Variants in GRIN2B observed in about 807,000 individuals in gnomAD.
GRIN2B encodes the protein glutamate receptor ionotropic, NMDA 2B.
Under a neutral mutation model 114.5 loss-of-function variants are expected in GRIN2B, and 5 were observed. The ratio of observed to expected loss-of-function variants is 0.04; its 90% CI spans 0.02 to 0.09. The LOEUF (loss-of-function observed/expected upper bound fraction) is 0.09, where lower values mean the gene tolerates loss of function less well. Ranked by LOEUF, GRIN2B falls within the 10% of genes least tolerant of loss-of-function variation. GRIN2B has a pLI of 1.00. For synonymous variants in GRIN2B, 787 were observed against 745.1 expected (o/e 1.06, Z -0.92); for missense variants, 1,108 against 1,943.5 (o/e 0.57, Z 8.08).
chr12:13,786,664 A>G (rs924176382), intron 3 of GRIN2B, among the ~76,000 whole-genome samples: 2 of 148,770 alleles, frequency 1.3e-5, no homozygotes, highest in Non-Finnish European at 3.0e-5. Context: ...CACAGGTATC[A>G]GGGCTGAGGG....
chr12:13,800,366 T>C (rs1025184600), intron 3 of GRIN2B, among the ~76,000 whole-genome samples: 1 of 152,198 alleles, frequency 6.6e-6, no homozygotes, highest in East Asian at 1.9e-4. Context: ...CACATTCATT[T>C]TCATCTCCCA....
At chr12:13,672,513 C>A (rs1483609767) in intron 5 of GRIN2B, among the ~76,000 whole-genome samples, 2 of 152,120 alleles carry the variant, frequency 1.3e-5, no homozygotes, top group African/African-American at 4.8e-5. Context: ...AGTGGAAGGA[C>A]CAATACAACT....
At chr12:13,728,375 GTGCT>G (rs112180814) in intron 4 of GRIN2B, among the ~76,000 whole-genome samples, 1 of 152,008 alleles carries the variant, frequency 6.6e-6, no homozygotes, top group African/African-American at 2.4e-5. Context: ...CTGTTTAGTA[GTGCT>G]TTAATATTTC....
intron 5 of GRIN2B, among the ~76,000 whole-genome samples, chr12:13,627,386 C>T (rs1288560307): frequency 6.6e-6 from 1 of 152,046 alleles, no homozygotes; most frequent in Non-Finnish European, 1.5e-5. Flanking sequence ...TCATAAATGG[C>T]AATATAACTA....
intron 3 of GRIN2B, among the ~76,000 whole-genome samples, chr12:13,821,170 A>G (rs1019751837): frequency 2.6e-5 from 4 of 151,794 alleles, no homozygotes; most frequent in African/African-American, 9.7e-5. Flanking sequence ...TCTGTCCCCT[A>G]CCCTAAACCA....
At chr12:13,638,865 C>G (rs1030292668) in intron 5 of GRIN2B, among the ~76,000 whole-genome samples, 8 of 152,042 alleles carry the variant, frequency 5.3e-5, no homozygotes. Flanking sequence ...TGGACATTAC[C>G]CCATTTCTTA....
In GRIN2B at chr12:13,564,121, G is replaced by A. The variant is rs147762014; in HGVS notation, c.3117C>T (p.Tyr1039=). 2.1e-4 allele frequency: 336 copies of A among 1,614,156 alleles called. 1 individual carries two copies. The African/African-American group carries it at 3.8e-3, about 18-fold the overall frequency. ...GGTCGCTCTTGAAGGAGAATTTGCC[G>A]TACAGGTCACTGAGCTGGCTGTGCT... ...SSKHSQLSDL[Y]GKFSFKSDRY... Residue 1039 remains tyrosine (Y), a synonymous_variant, in exon 14 of 14, where the codon TAC becomes TAT. Coordinates refer to ENST00000609686, the MANE Select transcript of GRIN2B (RefSeq NM_000834.5). The surrounding 1 kb of genome is among the most constrained non-coding windows in gnomAD (Gnocchi z 4.8).
rs574783921 is a variant in GRIN2B at position 13,898,398 on chromosome 12, C to T, written c.-18-32172G>A. Among the ~76,000 whole-genome samples the T allele has an allele frequency of 4.6e-5, 7 of 152,346 alleles. No homozygotes were observed. In the East Asian group the frequency reaches 1.3e-3, roughly 29 times the overall value. ...GACAAGTTACTAGCCAAAGACCACA[C>T]AACTAATAAATGGCAGAGTAAGGAT... On this transcript the variant is annotated intron_variant, in intron 2 of 13. Coordinates refer to ENST00000609686, the MANE Select transcript of GRIN2B (RefSeq NM_000834.5).
intron 2 of GRIN2B, among the ~76,000 whole-genome samples, chr12:13,877,477 A>G (rs1866007303): frequency 6.6e-6 from 1 of 152,208 alleles, no homozygotes; most frequent in Non-Finnish European, 1.5e-5. Context: ...TCCCTCTAAC[A>G]TTACCTGTGT....
rs1948250244 is a variant in GRIN2B at position 13,539,389 on chromosome 12, A to C, written c.*23394T>G. ...TGTTGAAATGTGCCTCATGATTGGC[A>C]TGTGAAAAGCTAAATATGTCTATGC... On this transcript the variant is annotated 3_prime_UTR_variant, in exon 14 of 14. Coordinates refer to ENST00000609686, the MANE Select transcript of GRIN2B (RefSeq NM_000834.5). The C allele has an allele frequency of 6.6e-6, 1 of 152,256 alleles. No individual in the cohort carries two copies. Among genetic ancestry groups the C allele is most frequent in the Admixed American group, 6.5e-5 (1 of 15,288 alleles). The allele number at this position is 152,256 out of a possible 1,614,324, so 9.4% of individuals were successfully genotyped here. A position where few individuals can be genotyped will look rare whatever the true frequency, so the allele number is the denominator to read the frequency against.
chr12:13,650,113 C>T (rs973861318), intron 5 of GRIN2B, among the ~76,000 whole-genome samples: 2 of 152,018 alleles, frequency 1.3e-5, no homozygotes, highest in African/African-American at 4.8e-5. Context: ...AGGAAGAAAT[C>T]TCTTTGGCTT....
intron 3 of GRIN2B, among the ~76,000 whole-genome samples, chr12:13,788,713 T>C (rs1360555405): frequency 1.0e-4 from 5 of 48,884 alleles, no homozygotes; most frequent in Non-Finnish European, 2.1e-4. Flanking sequence ...CATGTGACAG[T>C]TAAACCTGCT....
chr12:13,950,691 C>T (rs1230096788), intron 2 of GRIN2B, among the ~76,000 whole-genome samples: 1 of 152,198 alleles, frequency 6.6e-6, no homozygotes, highest in East Asian at 1.9e-4. Flanking sequence ...TCCTGCACGA[C>T]AGTAAATGCC....
At chr12:13,941,711 C>T (rs1489381593) in intron 2 of GRIN2B, among the ~76,000 whole-genome samples, 1 of 152,218 alleles carries the variant, frequency 6.6e-6, no homozygotes, top group African/African-American at 2.4e-5. Context: ...GGGACCATCA[C>T]TGCAGATTTC....
At chr12:13,828,573 G>A (rs2111513) in intron 3 of GRIN2B, among the ~76,000 whole-genome samples, 32,570 of 152,016 alleles carry the variant, frequency 0.21, 3,754 homozygotes, top group Non-Finnish European at 0.24. Context: ...AACTCAGTCA[G>A]ATTGCTGGGT....
intron 3 of GRIN2B, among the ~76,000 whole-genome samples, chr12:13,813,187 G>A (rs1335596407): frequency 6.6e-6 from 1 of 151,906 alleles, no homozygotes; most frequent in African/African-American, 2.4e-5. Flanking sequence ...CACCCATCTC[G>A]GCCTCCCAAA....
chr12:13,743,227 G>A (rs73053612), intron 4 of GRIN2B, among the ~76,000 whole-genome samples: 5,070 of 152,296 alleles, frequency 0.033, 139 homozygotes, highest in Middle Eastern at 0.12. Flanking sequence ...TAGGGCAAGA[G>A]TTTTGTGTCA....
intron 1 of GRIN2B, among the ~76,000 whole-genome samples, chr12:13,981,029 C>T (rs1198643469): frequency 6.6e-6 from 1 of 152,110 alleles, no homozygotes; most frequent in Non-Finnish European, 1.5e-5. Flanking sequence ...TGCAACGTGT[C>T]GATTGGACGG....
intron 3 of GRIN2B, among the ~76,000 whole-genome samples, chr12:13,810,203 A>T (rs970914834): frequency 1.3e-5 from 2 of 150,874 alleles, no homozygotes; most frequent in Non-Finnish European, 2.9e-5. Flanking sequence ...CATAGTACTT[A>T]ATTCTGTCTC....
Sources: allele counts gnomAD v4.1 joint callset (sites outside exome capture counted in the v4.1 genomes callset), GRCh38; gene constraint gnomAD v4.1.1; non-coding constraint Gnocchi (gnomAD v3.1); transcripts MANE v1.5; gene names NCBI Gene and HGNC (gene_info 2026-07-23, HGNC 2026-07-21).